The following DHRS3 variants were observed in gnomAD, a reference collection of about 807,000 sequenced individuals.
The protein encoded by DHRS3 is short-chain dehydrogenase/reductase 3.
DHRS3 carries 14 observed loss-of-function variants against 27.2 expected under a neutral mutation model. That is an observed-to-expected ratio of 0.52 (90% CI 0.34 to 0.81). The LOEUF (loss-of-function observed/expected upper bound fraction) is 0.81, where lower values mean the gene tolerates loss of function less well. DHRS3 is among the 30% of genes least tolerant of loss of function. The pLI is 0.01. For synonymous variants in DHRS3, 165 were observed against 175.9 expected, an observed-to-expected ratio of 0.94 and a Z score of 0.49; for missense variants, 322 against 406.2, an observed-to-expected ratio of 0.79 and a Z score of 1.78.
chr1:12,582,771 C>T (rs375607425), intron 1 of DHRS3, among the ~76,000 whole-genome samples: 1 of 151,948 alleles, frequency 6.6e-6, no homozygotes, highest in African/African-American at 2.4e-5. Flanking sequence ...TCCGTCCACT[C>T]TCCCGTTCAC....
At chr1:12,569,231 T>TCACACACACACACACACACACA (rs57427000) in intron 5 of DHRS3, among the ~76,000 whole-genome samples, 2 of 110,580 alleles carry the variant, frequency 1.8e-5, no homozygotes, top group African/African-American at 5.6e-5. Context: ...TCTCTCTCTC[T>TCACACACACACACACACACACA]CACACACACA....
chr1:12,607,950 T>C (rs1324979296), intron 1 of DHRS3, among the ~76,000 whole-genome samples: 2 of 152,308 alleles, frequency 1.3e-5, no homozygotes, highest in South Asian at 2.1e-4. Flanking sequence ...CGATCTCCAC[T>C]CACTGCAAAC....
intron 1 of DHRS3, among the ~76,000 whole-genome samples, chr1:12,609,360 T>G (rs187944266): frequency 1.3e-5 from 2 of 152,198 alleles, no homozygotes; most frequent in African/African-American, 4.8e-5. Flanking sequence ...GCAAGAAAGA[T>G]CAGGATCTGG....
chr1:12,585,726 C>A (rs1646691901), intron 1 of DHRS3, among the ~76,000 whole-genome samples: 1 of 152,196 alleles, frequency 6.6e-6, no homozygotes, highest in African/African-American at 2.4e-5. Context: ...CCAGGTGGCT[C>A]CTGCCAGAAT....
At chr1:12,595,106 G>T (rs1570386027) in intron 1 of DHRS3, among the ~76,000 whole-genome samples, 1 of 152,232 alleles carries the variant, frequency 6.6e-6, no homozygotes, top group East Asian at 1.9e-4. Flanking sequence ...AGGGGAGGCG[G>T]TGAGCGAGAA....
At chr1:12,602,966 A>T (rs1646845529) in intron 1 of DHRS3, among the ~76,000 whole-genome samples, 1 of 152,250 alleles carries the variant, frequency 6.6e-6, no homozygotes, top group Non-Finnish European at 1.5e-5. Context: ...ACACTCTCCC[A>T]GGGATGGGTG....
chr1:12,598,485 T>A (rs1646813709), intron 1 of DHRS3, among the ~76,000 whole-genome samples: 2 of 152,226 alleles, frequency 1.3e-5, no homozygotes, highest in Admixed American at 1.3e-4. Context: ...TATCCTCCGT[T>A]CTAGAATCCA....
intron 1 of DHRS3, among the ~76,000 whole-genome samples, chr1:12,612,088 G>T (rs1166297922): frequency 6.6e-6 from 1 of 152,162 alleles, no homozygotes. Context: ...GTTTATTCAT[G>T]AGACAGGCTC....
At chr1:12,580,402 C>T (rs1489682783) in intron 2 of DHRS3, 121 bp downstream of exon 2, 19 of 1,441,614 alleles carry the variant, frequency 1.3e-5, no homozygotes, top group African/African-American at 2.8e-5. Context: ...CCAAAGGTGC[C>T]CCGGGCAAAG....
At chr1:12,603,662 G>A (rs1646850646) in intron 1 of DHRS3, among the ~76,000 whole-genome samples, 1 of 152,188 alleles carries the variant, frequency 6.6e-6, no homozygotes, top group African/African-American at 2.4e-5. Context: ...GACGCAGACA[G>A]GAGACCGTGT....
At chr1:12,581,788 C>G (rs1389545951) in intron 1 of DHRS3, among the ~76,000 whole-genome samples, 4 of 152,140 alleles carry the variant, frequency 2.6e-5, no homozygotes, top group Non-Finnish European at 5.9e-5. Context: ...CCAGCTTCAC[C>G]AGCACAGAGG....
At chr1:12,596,589 G>C (rs868388543) in intron 1 of DHRS3, among the ~76,000 whole-genome samples, 4 of 152,142 alleles carry the variant, frequency 2.6e-5, no homozygotes, top group Admixed American at 6.5e-5. Flanking sequence ...TTGGCAGCCA[G>C]CGCTCAGAGC....
Position 12,608,042 on chromosome 1 carries a change from A to G in DHRS3, c.195+9112T>C, listed in dbSNP as rs1310217919. Reference sequence around the variant, plus strand: ...CCAGGCATGCACCACCATGCCAGATAATTTTTGTATTTTTAGTAGAGATGG... The same window carrying G: ...CCAGGCATGCACCACCATGCCAGATGATTTTTGTATTTTTAGTAGAGATGG... On this transcript the variant is annotated intron_variant, in intron 1 of 5. Coordinates refer to ENST00000616661, the MANE Select transcript of DHRS3 (RefSeq NM_004753.7). The surrounding 1 kb of genome is among the most constrained non-coding windows in gnomAD (Gnocchi z 4.1). Among the ~76,000 whole-genome samples, 1 of 151,948 alleles carries G rather than the reference A, an allele frequency of 6.6e-6. No individual in the cohort carries two copies. Among genetic ancestry groups the G allele is most frequent in the Non-Finnish European group, 1.5e-5 (1 of 67,996 alleles).
chr1:12,582,839 C>CTCCT (rs1423069750), intron 1 of DHRS3, among the ~76,000 whole-genome samples: 2 of 143,188 alleles, frequency 1.4e-5, no homozygotes, highest in African/African-American at 5.4e-5. Context: ...GTCTACCCAA[C>CTCCT]TCCATCCATC....
intron 5 of DHRS3, among the ~76,000 whole-genome samples, chr1:12,569,225 T>TCACACACACACACA (rs1557509277): frequency 4.1e-4 from 48 of 118,014 alleles, no homozygotes; most frequent in African/African-American, 1.9e-3. Flanking sequence ...CCCCTCTCTC[T>TCACACACACACACA]CTCTCTCACA....
At chr1:12,605,595 A>C (rs12086990) in intron 1 of DHRS3, among the ~76,000 whole-genome samples, 28,670 of 152,110 alleles carry the variant, frequency 0.19, 2,975 homozygotes, top group East Asian at 0.3. Context: ...ATTACGAAAA[A>C]ACTAGGCATA....
In DHRS3 at chr1:12,580,598, A is replaced by G. The variant is rs138856655; in HGVS notation, c.264T>C (p.Thr88=). The G allele has an allele frequency of 7.4e-6, 12 of 1,614,060 alleles. No homozygotes were observed. Among genetic ancestry groups the G allele is most frequent in the Non-Finnish European group, 9.3e-6 (11 of 1,180,050 alleles). The change falls in exon 2 of 6, where the codon ACT becomes ACC. Residue 88 remains threonine (T), a synonymous_variant. Transcript: ENST00000616661. ...CATCACAGATGAAGTAATGGCACTC[A>G]GTGCCCATCTGCCGGATCTCCTCCG... is the stretch of plus-strand genomic sequence containing the variant. ...ETTEEIRQMG[T]ECHYFICDVG...
At chr1:12,603,613 C>T (rs1009935612) in intron 1 of DHRS3, among the ~76,000 whole-genome samples, 3 of 152,050 alleles carry the variant, frequency 2.0e-5, no homozygotes, top group Non-Finnish European at 4.4e-5. Flanking sequence ...ATGGGGACCG[C>T]GGGGCTTGGA....
At chr1:12,568,500 G>T (rs1160757286) in intron 5 of DHRS3, 76 bp from the exon 6 acceptor site, 2 of 1,395,666 alleles carry the variant, frequency 1.4e-6, no homozygotes, top group Non-Finnish European at 2.0e-6. Context: ...TGGTGGCCAT[G>T]TGAGACGGGG....
Sources: gnomAD v4.1 joint callset for allele counts (sites outside exome capture counted in the v4.1 genomes callset) on GRCh38, gnomAD v4.1.1 for gene constraint, Gnocchi (gnomAD v3.1) non-coding constraint, MANE v1.5 for transcripts, NCBI Gene and HGNC (gene_info 2026-07-23, HGNC 2026-07-21) for gene names.